The following FMNL3 variants were observed in gnomAD, a reference collection of about 807,000 sequenced individuals.
FMNL3 encodes the protein formin like 3.
FMNL3 carries 57 observed loss-of-function variants against 119.6 expected under a neutral mutation model. The ratio of observed to expected loss-of-function variants is 0.48; its 90% confidence interval spans 0.39 to 0.59. The LOEUF (loss-of-function observed/expected upper bound fraction) is 0.59, where lower values mean the gene tolerates loss of function less well. Among genes scored for constraint, FMNL3 ranks in the 20% least tolerant of loss-of-function variants. The probability of loss-of-function intolerance (pLI) is 0.00; values close to 1 mark genes in which losing one functional copy is unlikely to be tolerated. For missense variants in FMNL3, 1,053 were observed against 1,323.5 expected (o/e 0.80, Z 3.17); for synonymous variants, 491 against 507.3 (o/e 0.97, Z 0.43).
chr12:49,654,072 A>AG, intron 11 of FMNL3, 120 bp downstream of exon 11: 1 of 1,176,104 alleles, frequency 8.5e-7, no homozygotes, highest in Non-Finnish European at 1.2e-6. Context: ...CCCAGGCTAC[A>AG]GAAGACAGGC....
intron 1 of FMNL3, among the ~76,000 whole-genome samples, chr12:49,689,757 C>T (rs532181686): frequency 2.6e-5 from 4 of 152,260 alleles, no homozygotes; most frequent in African/African-American, 9.6e-5. Flanking sequence ...GTGTACTGGC[C>T]ATCTGTCCTG....
chr12:49,644,267 C>T lies in FMNL3; in HGVS notation c.*1548G>A. On this transcript the variant is annotated 3_prime_UTR_variant, in exon 26 of 26. Transcript: ENST00000335154. Reference sequence around the variant, plus strand: ...GGCCACCCTCACCGTCTGCCTCAGACTTCTTCCTTAGTCTGGTCTGTGTCC... The same window carrying T: ...GGCCACCCTCACCGTCTGCCTCAGATTTCTTCCTTAGTCTGGTCTGTGTCC... 3.9e-6 allele frequency: 6 copies of T among 1,525,922 alleles called. No homozygotes were observed. The highest frequency in any genetic ancestry group is 4.5e-6 in the Non-Finnish European group (5 of 1,105,518). 94.5% of individuals were successfully genotyped at this position (1,525,922 alleles called of 1,614,324 possible).
intron 1 of FMNL3, among the ~76,000 whole-genome samples, chr12:49,669,017 C>G (rs1943967957): frequency 6.6e-6 from 1 of 151,952 alleles, no homozygotes. Context: ...GCTTTTCCCC[C>G]ATAACCTGAG....
chr12:49,698,524 CA>C (rs565413356), intron 1 of FMNL3, among the ~76,000 whole-genome samples: 314 of 139,402 alleles, frequency 2.3e-3, no homozygotes, highest in South Asian at 0.011. Flanking sequence ...TCCCCACCCC[CA>C]AAAAAAAAAA....
rs981674443 is a variant in FMNL3 at position 49,645,478 on chromosome 12, C to T, written c.*337G>A. ...GAAAAAAAAAGAAAGAACAGTTGCTCTCTCCTCTCATCCCTCTGGGCTCTA... is the reference window on the plus strand; with the variant it reads ...GAAAAAAAAAGAAAGAACAGTTGCTTTCTCCTCTCATCCCTCTGGGCTCTA... On this transcript the variant is annotated 3_prime_UTR_variant, in exon 26 of 26. Coordinates refer to ENST00000335154, the MANE Select transcript of FMNL3 (RefSeq NM_175736.5). 6.4e-5 allele frequency: 17 copies of T among 263,880 alleles called. No individual in the cohort carries two copies. The highest frequency in any genetic ancestry group is 1.1e-4 in the Non-Finnish European group (15 of 140,040). 16.3% of individuals were successfully genotyped at this position (263,880 alleles called of 1,614,324 possible). A position where few individuals can be genotyped will look rare whatever the true frequency, so the allele number is the denominator to read the frequency against.
At chr12:49,691,729 TC>T (rs559968208) in intron 1 of FMNL3, among the ~76,000 whole-genome samples, 5 of 151,710 alleles carry the variant, frequency 3.3e-5, no homozygotes, top group Non-Finnish European at 7.4e-5. Flanking sequence ...GCCTTTTTTT[TC>T]CCCCCATTAA....
In FMNL3 at chr12:49,641,877, G is replaced by A. The variant is rs1043793356; in HGVS notation, c.*3938C>T. The A allele has an allele frequency of 6.3e-7, 1 of 1,595,950 alleles. No homozygotes were observed. Among genetic ancestry groups the A allele is most frequent in the Non-Finnish European group, 8.6e-7 (1 of 1,166,210 alleles). On this transcript the variant is annotated 3_prime_UTR_variant, in exon 26 of 26. Coordinates refer to ENST00000335154, the MANE Select transcript of FMNL3 (RefSeq NM_175736.5). ...CCAGCTTTGGCCTCAGGCACGTGGT[G>A]CCCCTGCTTCATGCACTGCTGTACC...
rs529218309 is a variant in FMNL3 at position 49,639,731 on chromosome 12, T to C, written c.*6084A>G. ...ACACCAGTGGGATAGAGTCACTAAG[T>C]AGAATTGATAGATTTTGTGAAATGG... On this transcript the variant is annotated 3_prime_UTR_variant, in exon 26 of 26. Coordinates refer to ENST00000335154, the MANE Select transcript of FMNL3 (RefSeq NM_175736.5). 6.6e-6 allele frequency: 1 copy of C among 151,560 alleles called. No individual in the cohort carries two copies. The highest frequency in any genetic ancestry group is 1.5e-5 in the Non-Finnish European group (1 of 67,898). The allele number at this position is 151,560 out of a possible 1,614,324, so 9.4% of individuals were successfully genotyped here.
chr12:49,638,349 G>A lies in FMNL3; in HGVS notation c.*7466C>T, dbSNP rs964493352. On this transcript the variant is annotated 3_prime_UTR_variant, in exon 26 of 26. Coordinates refer to ENST00000335154, the MANE Select transcript of FMNL3 (RefSeq NM_175736.5). ...AATCTTTAGCTTCTCTTGTCAATATGGATTATCTAGCAGTACTGAGCTGGA... is the reference window on the plus strand; with the variant it reads ...AATCTTTAGCTTCTCTTGTCAATATAGATTATCTAGCAGTACTGAGCTGGA... The A allele has an allele frequency of 1.3e-5, 2 of 153,748 alleles. No homozygotes were observed. Among genetic ancestry groups the A allele is most frequent in the African/African-American group, 4.8e-5 (2 of 41,432 alleles). The allele number at this position is 153,748 out of a possible 1,614,324, so 9.5% of individuals were successfully genotyped here. A position where few individuals can be genotyped will look rare whatever the true frequency, so the allele number is the denominator to read the frequency against.
Position 49,656,905 on chromosome 12 carries a change from A to C in FMNL3, c.715-6T>G, listed in dbSNP as rs1490651940. 1 of 1,613,408 alleles carries C rather than the reference A, an allele frequency of 6.2e-7. No individual in the cohort carries two copies. The highest frequency in any genetic ancestry group is 8.5e-7 in the Non-Finnish European group (1 of 1,179,472). ...ATGACCAGGTTGAATCCGTACTGCA[A>C]GGGAAAGGACAGAAGGAGGGGACCT... On this transcript the variant is annotated splice_polypyrimidine_tract_variant and splice_region_variant and intron_variant, in intron 7 of 25. Transcript: ENST00000335154.
At chr12:49,685,600 A>G (rs1327674247) in intron 1 of FMNL3, among the ~76,000 whole-genome samples, 1 of 152,248 alleles carries the variant, frequency 6.6e-6, no homozygotes, top group Non-Finnish European at 1.5e-5. Flanking sequence ...CTAGGCCAAC[A>G]TTATTGAGTA....
intron 1 of FMNL3, among the ~76,000 whole-genome samples, chr12:49,693,531 C>T (rs1944664195): frequency 6.6e-6 from 1 of 151,050 alleles, no homozygotes; most frequent in South Asian, 2.1e-4. Context: ...GCACGCACCA[C>T]TACACCCAGC....
chr12:49,655,414 G>A lies in FMNL3; in HGVS notation c.886-430C>T, dbSNP rs1943539391. ...GCCACTGCACTCCAGCCTGGCCACA[G>A]AGTGAGACTCCATCTCAAAAAAGAA... is the stretch of plus-strand genomic sequence containing the variant. On this transcript the variant is annotated intron_variant, in intron 9 of 25. Transcript: ENST00000335154. Among the ~76,000 whole-genome samples, 4 of 152,188 alleles carry A rather than the reference G, an allele frequency of 2.6e-5. No homozygotes were observed. In the South Asian group the frequency reaches 8.3e-4, roughly 32 times the overall value.
intron 1 of FMNL3, among the ~76,000 whole-genome samples, chr12:49,696,187 T>C (rs943484081): frequency 6.6e-6 from 1 of 152,210 alleles, no homozygotes; most frequent in Non-Finnish European, 1.5e-5. Context: ...TCCTCCTGTA[T>C]ACTTTAAATC....
In FMNL3 at chr12:49,637,475, C is replaced by T; in HGVS notation, c.*8340G>A. The T allele has an allele frequency of 6.2e-7, 1 of 1,613,146 alleles. No homozygotes were observed. The highest frequency in any genetic ancestry group is 8.5e-7 in the Non-Finnish European group (1 of 1,179,844). On this transcript the variant is annotated 3_prime_UTR_variant, in exon 26 of 26. Coordinates refer to ENST00000335154, the MANE Select transcript of FMNL3 (RefSeq NM_175736.5). ...ACTGGCCTCTCCCTGCTCAGACCTT[C>T]CTGGACGAGCTGCATGAGACAGGGC...
chr12:49,648,130 G>C (rs1943268863), intron 22 of FMNL3, 63 bp downstream of exon 22: 1 of 1,516,866 alleles, frequency 6.6e-7, no homozygotes, highest in South Asian at 1.3e-5. Context: ...TAGAACTAGG[G>C]CCACCTAGAG....
intron 1 of FMNL3, among the ~76,000 whole-genome samples, chr12:49,695,466 C>T (rs917585306): frequency 1.3e-5 from 2 of 152,144 alleles, no homozygotes; most frequent in Non-Finnish European, 2.9e-5. Context: ...AGACCATCCC[C>T]GCTTAGTTAA....
At chr12:49,693,708 G>A (rs1304455778) in intron 1 of FMNL3, among the ~76,000 whole-genome samples, 1 of 137,652 alleles carries the variant, frequency 7.3e-6, no homozygotes. Context: ...GAGTGCAATG[G>A]TGCAATCTCG....
At chr12:49,661,257 G>A (rs976366808) in intron 5 of FMNL3, among the ~76,000 whole-genome samples, 4 of 152,110 alleles carry the variant, frequency 2.6e-5, no homozygotes, top group Non-Finnish European at 4.4e-5. Context: ...TTTAACACAC[G>A]TTATCATCTA....
Sources: gnomAD v4.1 joint callset for allele counts (sites outside exome capture counted in the v4.1 genomes callset) on GRCh38, gnomAD v4.1.1 for gene constraint, MANE v1.5 for transcripts, NCBI Gene and HGNC (gene_info 2026-07-23, HGNC 2026-07-21) for gene names.